The following DUOX1 variants were observed in gnomAD, a reference collection of about 807,000 sequenced individuals.
The protein encoded by DUOX1 is NADPH thyroid oxidase 1.
In DUOX1, 134 loss-of-function variants were observed where a neutral mutation model predicts 181.8. That is an observed-to-expected ratio of 0.74 (90% CI 0.64 to 0.85). DUOX1 has a LOEUF of 0.85. DUOX1 is among the 40% of genes least tolerant of loss of function. The pLI is 0.00. For synonymous variants in DUOX1, 798 were observed against 832.5 expected (o/e 0.96, Z 0.71); for missense variants, 1,814 against 2,064.4 (o/e 0.88, Z 2.35).
intron 28 of DUOX1, among the ~76,000 whole-genome samples, 159 bp from the exon 29 acceptor site, chr15:45,160,677 TG>T (rs1897076648): frequency 9.4e-6 from 1 of 106,190 alleles, no homozygotes; most frequent in African/African-American, 3.9e-5. Flanking sequence ...AGGATGGAGT[TG>T]GGAATGGTGA....
chr15:45,147,925 G>T lies in DUOX1; in HGVS notation c.2570G>T (p.Arg857Leu). Residue 857 changes from arginine (R) to leucine (L), a missense_variant, in exon 20 of 34, where the codon CGC (arginine) becomes CTC (leucine). Around this residue, in one of 5 missense-constraint regions of DUOX1, gnomAD observed 1,064 missense variants for 1,152.9 expected, o/e 0.92. Transcript: ENST00000389037. ...CCAGGCTCTCCTGAGGAAAAGTCTC[G>T]CCTTATGTTCCGCATGTACGACTTT... Reference protein sequence around the residue: ...FMKGSPEEKSRLMFRMYDFDG... With the variant: ...FMKGSPEEKSLLMFRMYDFDG... 6.2e-7 allele frequency: 1 copy of T among 1,614,076 alleles called. No individual in the cohort carries two copies. The highest frequency in any genetic ancestry group is 8.5e-7 in the Non-Finnish European group (1 of 1,179,952).
intron 33 of DUOX1, among the ~76,000 whole-genome samples, chr15:45,164,275 T>C (rs1238856681): frequency 6.6e-6 from 1 of 152,192 alleles, no homozygotes; most frequent in East Asian, 1.9e-4. Context: ...AGCACTGGGC[T>C]AGTCACTACT....
chr15:45,153,901 G>C, intron 26 of DUOX1, 50 bp from the exon 27 acceptor site: 1 of 1,443,436 alleles, frequency 6.9e-7, no homozygotes, highest in Non-Finnish European at 9.5e-7. Flanking sequence ...AAAAAAAAAA[G>C]AGAGAGAGAT....
chr15:45,163,716 C>A (rs201127023), intron 32 of DUOX1, 29 bp downstream of exon 32: 1 of 1,613,846 alleles, frequency 6.2e-7, no homozygotes. Flanking sequence ...GGAGGGTATG[C>A]GGGCCACTGT....
chr15:45,157,716 G>A (rs1015051285), intron 28 of DUOX1, among the ~76,000 whole-genome samples: 1 of 151,956 alleles, frequency 6.6e-6, no homozygotes, highest in Non-Finnish European at 1.5e-5. Flanking sequence ...CTACTCAGGA[G>A]GCTGAGGCAT....
intron 2 of DUOX1, 144 bp from the exon 3 acceptor site, chr15:45,133,720 C>G: frequency 2.8e-6 from 2 of 703,564 alleles, no homozygotes; most frequent in Non-Finnish European, 4.9e-6. Flanking sequence ...GTTTTTCCCT[C>G]TGCACCCTAC....
intron 15 of DUOX1, among the ~76,000 whole-genome samples, chr15:45,142,789 G>GGATGGAAGGAAGGA (rs1480496555): frequency 7.2e-6 from 1 of 139,762 alleles, no homozygotes; most frequent in Non-Finnish European, 1.5e-5. Flanking sequence ...GGAAGGAAGG[G>GGATGGAAGGAAGGA]AGGGAGGAAG....
At chr15:45,153,831 G>T in intron 26 of DUOX1, 120 bp from the exon 27 acceptor site, 1 of 909,484 alleles carries the variant, frequency 1.1e-6, no homozygotes, top group South Asian at 1.5e-5. Flanking sequence ...AGGTTGCAGT[G>T]AGCCAAGATC....
In DUOX1 at chr15:45,134,159, C is replaced by G; in HGVS notation, c.157C>G (p.Arg53Gly). 1 of 1,554,558 alleles carries G rather than the reference C, an allele frequency of 6.4e-7. No homozygotes were observed. The highest frequency in any genetic ancestry group is 2.3e-5 in the East Asian group (1 of 44,256). Reference sequence around the variant, plus strand: ...TCCTACCCCAGGCTCCCGGCTGCAGCGCCTGGTCCCAGCCAGCTATGCAGA... The same window carrying G: ...TCCTACCCCAGGCTCCCGGCTGCAGGGCCTGGTCCCAGCCAGCTATGCAGA... ...RWGSKGSRLQ[R>G]LVPASYADGV... The change falls in exon 4 of 34, where the codon CGC (arginine) becomes GGC (glycine). Residue 53 changes from arginine (R) to glycine (G), a missense_variant. Coordinates refer to ENST00000389037, the MANE Select transcript of DUOX1 (RefSeq NM_175940.3).
At chr15:45,135,010 G>A (rs1388161687) in intron 4 of DUOX1, 94 bp from the exon 5 acceptor site, 5 of 1,472,804 alleles carry the variant, frequency 3.4e-6, no homozygotes, top group Non-Finnish European at 4.6e-6. Flanking sequence ...TGAGTCTTTT[G>A]AAGCTTCAGG....
At position 45,153,946 on chromosome 15, in the gene DUOX1, C is replaced by A. The variant is rs781361739; in HGVS notation, c.3525-5C>A. ...AGGTGTCTCTTTGCTGTCCCTTCCA[C>A]ACAGGTCTGAGCTCCCCCAGAAGTA... On this transcript the variant is annotated splice_region_variant and splice_polypyrimidine_tract_variant and intron_variant, in intron 26 of 33. Coordinates refer to ENST00000389037, the MANE Select transcript of DUOX1 (RefSeq NM_175940.3). The A allele has an allele frequency of 8.1e-6, 13 of 1,612,252 alleles. No individual in the cohort carries two copies. The highest frequency in any genetic ancestry group is 7.6e-6 in the Non-Finnish European group (9 of 1,178,562).
intron 2 of DUOX1, 98 bp downstream of exon 2, chr15:45,132,122 T>A: frequency 9.1e-7 from 1 of 1,096,988 alleles, no homozygotes; most frequent in Non-Finnish European, 1.3e-6. Context: ...TTCATCTGTA[T>A]CTTTAGTCTC....
At chr15:45,143,426 A>C in intron 16 of DUOX1, 123 bp downstream of exon 16, 1 of 711,616 alleles carries the variant, frequency 1.4e-6, no homozygotes, top group Non-Finnish European at 2.3e-6. Context: ...GCAAGGCCAC[A>C]GTGGCATTAA....
chr15:45,157,936 T>C (rs1897004011), intron 28 of DUOX1, among the ~76,000 whole-genome samples: 1 of 152,130 alleles, frequency 6.6e-6, no homozygotes, highest in Non-Finnish European at 1.5e-5. Context: ...GAGCACCCTC[T>C]TTGTTCCCAC....
intron 4 of DUOX1, 118 bp downstream of exon 4, chr15:45,134,427 A>C: frequency 9.1e-7 from 1 of 1,100,292 alleles, no homozygotes; most frequent in Non-Finnish European, 1.3e-6. Flanking sequence ...TGAGGGTGAG[A>C]GGTGGAGGAG....
At chr15:45,155,726 G>C in intron 27 of DUOX1, 76 bp from the exon 28 acceptor site, 2 of 1,600,498 alleles carry the variant, frequency 1.2e-6, no homozygotes, top group South Asian at 2.2e-5. Context: ...GAGTGGAGAG[G>C]GGACCTTGGA....
At chr15:45,132,152 C>A in intron 2 of DUOX1, 128 bp downstream of exon 2, 1 of 765,194 alleles carries the variant, frequency 1.3e-6, no homozygotes, top group Non-Finnish European at 2.0e-6. Context: ...CAGTGCCCTG[C>A]ACATGAGAGT....
intron 28 of DUOX1, 44 bp from the exon 29 acceptor site, chr15:45,160,793 T>C: frequency 6.4e-7 from 1 of 1,563,266 alleles, no homozygotes; most frequent in South Asian, 1.2e-5. Flanking sequence ...TGTATTCTGC[T>C]ATGGGCATCG....
Position 45,162,209 on chromosome 15 carries a change from C to T in DUOX1, c.4090-10C>T, listed in dbSNP as rs368629111. On this transcript the variant is annotated splice_polypyrimidine_tract_variant and intron_variant, in intron 30 of 33. Transcript: ENST00000389037. The stretch of plus-strand genomic sequence containing the variant: ...CCAAGCTTAACTGAAACCCACGCCC[C>T]TCCCTACAGCTGTACCTTGATGGAC... The T allele has an allele frequency of 4.3e-5, 69 of 1,596,854 alleles. No homozygotes were observed. The African/African-American group carries it at 6.3e-4, about 15-fold the overall frequency.
Sources: allele counts gnomAD v4.1 joint callset (sites outside exome capture counted in the v4.1 genomes callset), GRCh38; gene constraint gnomAD v4.1.1; regional missense constraint gnomAD v4.1.1; transcripts MANE v1.5; gene names NCBI Gene and HGNC (gene_info 2026-07-23, HGNC 2026-07-21).